KDM5D: variants seen among roughly 807,000 people sequenced by gnomAD.
KDM5D encodes the protein lysine-specific demethylase 5D.
Under a neutral mutation model 31.9 loss-of-function variants are expected in KDM5D, and 25 were observed. The observed-to-expected ratio is 0.78, with a 90% confidence interval of 0.57 to 1.09. The LOEUF (loss-of-function observed/expected upper bound fraction) is 1.09. Ranked by LOEUF, KDM5D falls within the 50% of genes least tolerant of loss-of-function variation. The probability of loss-of-function intolerance (pLI) is 0.00; values close to 1 mark genes in which losing one functional copy is unlikely to be tolerated. For synonymous variants in KDM5D, 146 were observed against 122.3 expected (o/e 1.19, Z -1.28); for missense variants, 366 against 341.6 (o/e 1.07, Z -0.56).
intron 11 of KDM5D, among the ~76,000 whole-genome samples, chrY:19,730,905 T>C (rs2045468454): frequency 3.0e-5 from 1 of 33,464 alleles, no homozygotes; most frequent in African/African-American, 1.2e-4. Context: ...CAAAATGTTA[T>C]GCAGCATATG....
rs371456547 is a variant in KDM5D at position 19,739,593 on chromosome Y, T to G, written c.592A>C (p.Arg198=). ...AACTTTGAAGGCTGCACAGACTGTC[T>G]AAGGGGGATGCTGTGGGGCTTGTAT... The part of the protein sequence containing the change: ...KEYKPHSIPL[R]QSVQPSKFSS... Residue 198 remains arginine (R), a synonymous_variant, in exon 6 of 27, where the codon AGA becomes CGA. Coordinates refer to ENST00000317961, the MANE Select transcript of KDM5D (RefSeq NM_004653.5). 2 of 396,229 alleles carry G rather than the reference T, an allele frequency of 5.0e-6. No homozygotes were observed. Among genetic ancestry groups the G allele is most frequent in the Non-Finnish European group, 7.1e-6 (2 of 281,569 alleles).
At chrY:19,733,494 T>C (rs928816086) in intron 8 of KDM5D, among the ~76,000 whole-genome samples, 1 of 31,728 alleles carries the variant, frequency 3.2e-5, no homozygotes, top group Admixed American at 2.9e-4. Context: ...ACAAATTATA[T>C]GTGTATATAT....
At chrY:19,732,224 G>A (rs2045477965) in intron 9 of KDM5D, 59 bp from the exon 10 acceptor site, 1 of 293,170 alleles carries the variant, frequency 3.4e-6, no homozygotes, top group Non-Finnish European at 5.1e-6. Context: ...AAACAGGAGA[G>A]CTAAGGGGAG....
Position 19,703,876 on chromosome Y carries a change from A to G in KDM5D, c.*2119T>C. ...CCAAGACAGCTGGCTTACCAGTGGT[A>G]AAGTTTTATTACAATTTTTTTAAAC... On this transcript the variant is annotated 3_prime_UTR_variant, in exon 27 of 27. Transcript: ENST00000317961. 1 of 34,387 alleles carries G rather than the reference A, an allele frequency of 2.9e-5. No homozygotes were observed. Among genetic ancestry groups the G allele is most frequent in the Non-Finnish European group, 7.3e-5 (1 of 13,778 alleles). The allele number at this position is 34,387 out of a possible 400,897, so 8.6% of individuals were successfully genotyped here. A position where few individuals can be genotyped will look rare whatever the true frequency, so the allele number is the denominator to read the frequency against.
intron 21 of KDM5D, 50 bp downstream of exon 21, chrY:19,708,825 C>G (rs760476684): frequency 2.7e-6 from 1 of 367,620 alleles, no homozygotes; most frequent in Admixed American, 7.5e-5. Flanking sequence ...ATATCTATCT[C>G]TCTTCTAACT....
chrY:19,706,868 C>A lies in KDM5D; in HGVS notation c.4000-5G>T. On this transcript the variant is annotated splice_polypyrimidine_tract_variant and splice_region_variant and intron_variant, in intron 24 of 26. Coordinates refer to ENST00000317961, the MANE Select transcript of KDM5D (RefSeq NM_004653.5). ...ATTCTCCAGCAGCCCTTGGACCTAT[C>A]GGAAAAAAAGAATGGGTAACAATAA... 2.6e-6 allele frequency: 1 copy of A among 390,706 alleles called. No individual in the cohort carries two copies. The highest frequency in any genetic ancestry group is 3.6e-6 in the Non-Finnish European group (1 of 276,669).
chrY:19,714,739 C>A, intron 18 of KDM5D, among the ~76,000 whole-genome samples: 1 of 33,604 alleles, frequency 3.0e-5, no homozygotes, highest in African/African-American at 1.2e-4. Flanking sequence ...GCAGCAATGA[C>A]AAAACCGCCT....
Position 19,716,581 on chromosome Y carries a change from T to C in KDM5D, c.1836+15A>G. On this transcript the variant is annotated intron_variant, in intron 14 of 26. Coordinates refer to ENST00000317961, the MANE Select transcript of KDM5D (RefSeq NM_004653.5). ...TTATACTTTCTACCTGCAGGCCCAC[T>C]GCATGCTCACTCACCCAGTCAGCAG... is the stretch of plus-strand genomic sequence containing the variant. The C allele has an allele frequency of 2.5e-6, 1 of 398,919 alleles. No individual in the cohort carries two copies. The highest frequency in any genetic ancestry group is 3.0e-5 in the South Asian group (1 of 33,832).
chrY:19,739,627 T>C lies in KDM5D; in HGVS notation c.558A>G (p.Lys186=). The C allele has an allele frequency of 5.1e-6, 2 of 394,667 alleles. No individual in the cohort carries two copies. The highest frequency in any genetic ancestry group is 7.1e-6 in the Non-Finnish European group (2 of 280,305). Residue 186 remains lysine (K), a synonymous_variant, in exon 6 of 27, where the codon AAA becomes AAG. Coordinates refer to ENST00000317961, the MANE Select transcript of KDM5D (RefSeq NM_004653.5). ...CNTHPFDNEV[K]DKEYKPHSIP... Reference sequence around the variant, plus strand: ...TGCTGTGGGGCTTGTATTCCTTATCTTTTACCTCATTGTCAAACGGGTGTG... The same window carrying C: ...TGCTGTGGGGCTTGTATTCCTTATCCTTTACCTCATTGTCAAACGGGTGTG...
chrY:19,735,658 A>C lies in KDM5D; in HGVS notation c.750T>G (p.Leu250=), dbSNP rs758411053. 1 of 397,978 alleles carries C rather than the reference A, an allele frequency of 2.5e-6. No homozygotes were observed. Among genetic ancestry groups the C allele is most frequent in the South Asian group, 3.0e-5 (1 of 33,788 alleles). The change falls in exon 7 of 27, where the codon CTT becomes CTG. Residue 250 remains leucine, a synonymous_variant. Transcript: ENST00000317961. ...GPGPKMMGLG[L]MAKDKDKTVH... is the part of the protein sequence containing the mutation. ...CAGTCTTATCCTTATCCTTAGCCAT[A>C]AGGCCCAAGCCCATCATTTTGGGAC...
chrY:19,740,082 T>C, intron 5 of KDM5D, among the ~76,000 whole-genome samples: 1 of 32,612 alleles, frequency 3.1e-5, no homozygotes, highest in African/African-American at 1.2e-4. Context: ...AAGACCATTC[T>C]GGCCAAATGG....
intron 18 of KDM5D, among the ~76,000 whole-genome samples, chrY:19,714,547 G>A: frequency 3.0e-5 from 1 of 33,182 alleles, no homozygotes; most frequent in East Asian, 7.7e-4. Flanking sequence ...TTCTTTTATT[G>A]TAGTAATTCT....
intron 6 of KDM5D, among the ~76,000 whole-genome samples, chrY:19,737,085 C>A (rs2045516632): frequency 3.0e-5 from 1 of 33,503 alleles, no homozygotes. Flanking sequence ...GTCAGCAACA[C>A]TAAACTTTTA....
In KDM5D at chrY:19,731,911, A is replaced by G. The variant is rs1490676505; in HGVS notation, c.1232T>C (p.Val411Ala). The G allele has an allele frequency of 1.0e-5, 4 of 396,148 alleles. No individual in the cohort carries two copies. ...CACCAGCCTCCAGAATTCCTTCTCT[A>G]CAAGTTCTGTAGGCACCATCTGTGA... ...MPVHMVPTEL[V>A]EKEFWRLVSS... Residue 411 changes from valine to alanine, a missense_variant, in exon 11 of 27, where the codon GTA becomes GCA. By Grantham distance (64) the Val-to-Ala change is moderately conservative. Coordinates refer to ENST00000317961, the MANE Select transcript of KDM5D (RefSeq NM_004653.5).
intron 13 of KDM5D, among the ~76,000 whole-genome samples, chrY:19,720,026 G>A: frequency 3.1e-5 from 1 of 32,674 alleles, no homozygotes; most frequent in Non-Finnish European, 7.5e-5. Context: ...TTACTGAGTA[G>A]TTCAGAGCTA....
intron 13 of KDM5D, among the ~76,000 whole-genome samples, chrY:19,717,965 T>A: frequency 2.9e-5 from 1 of 34,183 alleles, no homozygotes; most frequent in Non-Finnish European, 7.3e-5. Flanking sequence ...TTGCTCACTA[T>A]CTTTAGTTGT....
In KDM5D at chrY:19,704,771, GTGAAT is replaced by G. The variant is rs2124171247; in HGVS notation, c.*1219_*1223del. 1 of 33,220 alleles carries G rather than the reference GTGAAT, an allele frequency of 3.0e-5. No homozygotes were observed. Among genetic ancestry groups the G allele is most frequent in the Non-Finnish European group, 7.4e-5 (1 of 13,424 alleles). 8.3% of individuals were successfully genotyped at this position (33,220 alleles called of 400,897 possible). A position where few individuals can be genotyped will look rare whatever the true frequency, so the allele number is the denominator to read the frequency against. ...CCCAGAGACACACAAAACAAGAACC[GTGAAT>G]TGAATTAGTGGTATACTAATAGAGT... On this transcript the variant is annotated 3_prime_UTR_variant, in exon 27 of 27. Coordinates refer to ENST00000317961, the MANE Select transcript of KDM5D (RefSeq NM_004653.5).
chrY:19,726,484 G>A (rs2045433506), intron 11 of KDM5D, among the ~76,000 whole-genome samples: 1 of 32,874 alleles, frequency 3.0e-5, no homozygotes, highest in Non-Finnish European at 7.4e-5. Context: ...CTCCTAAGTG[G>A]GAGTTAAACA....
intron 18 of KDM5D, among the ~76,000 whole-genome samples, chrY:19,714,019 G>A (rs2045316971): frequency 3.0e-5 from 1 of 33,273 alleles, no homozygotes; most frequent in South Asian, 6.8e-4. Flanking sequence ...TGGAGCTGGA[G>A]GCCATTATCC....
Sources: allele counts gnomAD v4.1 joint callset (sites outside exome capture counted in the v4.1 genomes callset), GRCh38; gene constraint gnomAD v4.1.1; transcripts MANE v1.5; gene names NCBI Gene and HGNC (gene_info 2026-07-23, HGNC 2026-07-21).